Variants in ABCA12 observed in about 807,000 individuals in gnomAD.
The protein encoded by ABCA12 is glucosylceramide transporter ABCA12.
A neutral mutation model predicts 293.5 loss-of-function variants in ABCA12; 156 were observed. The observed-to-expected ratio is 0.53, with a 90% CI of 0.47 to 0.61. The LOEUF (loss-of-function observed/expected upper bound fraction) is 0.61, where lower values mean the gene tolerates loss of function less well. Ranked by LOEUF, ABCA12 falls within the 20% of genes least tolerant of loss-of-function variation. The pLI is 0.00. For synonymous variants in ABCA12, 1,063 were observed against 1,108.0 expected, an observed-to-expected ratio of 0.96 and a Z score of 0.81; for missense variants, 2,797 against 3,090.2, an observed-to-expected ratio of 0.91 and a Z score of 2.25.
intron 22 of ABCA12, 140 bp from the exon 23 acceptor site, chr2:214,997,949 C>A: frequency 1.6e-6 from 1 of 625,762 alleles, no homozygotes; most frequent in South Asian, 2.0e-5. Flanking sequence ...TCGGTATTAC[C>A]CCATTATTTA....
intron 5 of ABCA12, 100 bp downstream of exon 5, chr2:215,052,387 G>C: frequency 3.1e-6 from 3 of 983,608 alleles, no homozygotes; most frequent in Non-Finnish European, 4.8e-6. Flanking sequence ...CCCTAAATAG[G>C]AAAGGTGCTC....
At chr2:215,001,977 A>G (rs970237629) in intron 20 of ABCA12, among the ~76,000 whole-genome samples, 1 of 152,216 alleles carries the variant, frequency 6.6e-6, no homozygotes, top group Non-Finnish European at 1.5e-5. Context: ...AAGATACAAG[A>G]TAACTTAAAA....
At chr2:214,941,719 CT>C (rs1236977466) in intron 50 of ABCA12, among the ~76,000 whole-genome samples, 1 of 149,316 alleles carries the variant, frequency 6.7e-6, no homozygotes, top group Non-Finnish European at 1.5e-5. Context: ...TTCTTTGTCT[CT>C]TTTGATCTTT....
intron 16 of ABCA12, 26 bp downstream of exon 16, chr2:215,011,945 A>C (rs766386281): frequency 8.7e-6 from 14 of 1,613,098 alleles, no homozygotes; most frequent in African/African-American, 1.3e-5. Context: ...TTTTTCAACA[A>C]GAACATTACT....
At chr2:215,015,393 G>T (rs769795830) in intron 15 of ABCA12, 97 bp downstream of exon 15, 18 of 1,205,466 alleles carry the variant, frequency 1.5e-5, no homozygotes, top group African/African-American at 4.6e-5. Context: ...CCGAATAAAT[G>T]GATCTCATCC....
At position 215,090,324 on chromosome 2, in the gene ABCA12, G is replaced by A. The variant is rs138952825; in HGVS notation, c.163+21273C>T. 1.0e-3 allele frequency among the ~76,000 whole-genome samples: 152 copies of A among 152,170 alleles called. 1 individual carries two copies. In the East Asian group the frequency reaches 0.026, roughly 26 times the overall value. ...GTGTGACATTTGGTGCTGAAGACCC[G>A]GGACAGGAGGACTCCTTTGGGAGAC... is the stretch of plus-strand genomic sequence containing the variant. On this transcript the variant is annotated intron_variant, in intron 2 of 52. Coordinates refer to ENST00000272895, the MANE Select transcript of ABCA12 (RefSeq NM_173076.3).
chr2:215,058,885 A>G (rs1021778522), intron 3 of ABCA12, among the ~76,000 whole-genome samples: 1 of 152,076 alleles, frequency 6.6e-6, no homozygotes, highest in Admixed American at 6.6e-5. Context: ...GTTCTCAGAC[A>G]TGTCTACCAA....
At chr2:215,109,724 G>C (rs1702532280) in intron 2 of ABCA12, among the ~76,000 whole-genome samples, 3 of 152,092 alleles carry the variant, frequency 2.0e-5, no homozygotes, top group Admixed American at 6.5e-5. Context: ...GCTTTCCACA[G>C]TTTTTTCCAT....
chr2:215,116,840 A>C (rs567488728), intron 1 of ABCA12, among the ~76,000 whole-genome samples: 1 of 152,324 alleles, frequency 6.6e-6, no homozygotes, highest in Admixed American at 6.5e-5. Flanking sequence ...TTTACAAGAC[A>C]ATTGGTCATG....
intron 2 of ABCA12, among the ~76,000 whole-genome samples, chr2:215,093,589 C>T (rs528701659): frequency 1.1e-4 from 16 of 152,254 alleles, no homozygotes; most frequent in Non-Finnish European, 1.8e-4. Context: ...TTGTTTCAGG[C>T]TGGACCTCAT....
At chr2:214,936,439 T>C (rs972215365) in intron 51 of ABCA12, among the ~76,000 whole-genome samples, 5 of 152,194 alleles carry the variant, frequency 3.3e-5, no homozygotes, top group African/African-American at 9.6e-5. Flanking sequence ...ATGGGCACAA[T>C]TGGACCTCAG....
In ABCA12 at chr2:214,932,634, T is replaced by C; in HGVS notation, c.7788A>G (p.Ter2596=). Residue 2596 remains the stop codon, a stop_retained_variant, in exon 53 of 53, where the codon TAA becomes TAG. Transcript: ENST00000272895. ...VDSQDDQMES[*] is the part of the protein sequence containing the mutation. ...GCTGAGATTGAGTTTGCTGGAAGTG[T>C]TAAGACTCCATCTGGTCATCTTGTG... is the stretch of plus-strand genomic sequence containing the variant. 5 of 1,610,712 alleles carry C rather than the reference T, an allele frequency of 3.1e-6. No homozygotes were observed. The highest frequency in any genetic ancestry group is 4.2e-6 in the Non-Finnish European group (5 of 1,177,170).
intron 4 of ABCA12, among the ~76,000 whole-genome samples, chr2:215,054,029 TGA>T (rs1701371033): frequency 6.6e-6 from 1 of 152,036 alleles, no homozygotes; most frequent in African/African-American, 2.4e-5. Flanking sequence ...GGCCTAGATG[TGA>T]AGCAAGTCCA....
At chr2:214,952,221 T>TG (rs1553520157) in intron 44 of ABCA12, among the ~76,000 whole-genome samples, 4 of 81,522 alleles carry the variant, frequency 4.9e-5, no homozygotes, top group Admixed American at 2.2e-4. Flanking sequence ...TTTTTTTTGT[T>TG]GTTTTTTTTT....
Position 215,011,815 on chromosome 2 carries a change from T to A in ABCA12, c.2121+156A>T, listed in dbSNP as rs1437377589. On this transcript the variant is annotated intron_variant, in intron 16 of 52. Transcript: ENST00000272895. ...AATGAAGAACAATAAACTTCACTAA[T>A]TAAAGTGGCAAAAAGTGTTGCTAGG... Among the ~76,000 whole-genome samples, 3 of 151,960 alleles carry A rather than the reference T, an allele frequency of 2.0e-5. No individual in the cohort carries two copies. The East Asian group carries it at 5.8e-4, about 29-fold the overall frequency.
intron 8 of ABCA12, among the ~76,000 whole-genome samples, chr2:215,032,786 G>A (rs1261190910): frequency 6.6e-6 from 1 of 152,064 alleles, no homozygotes; most frequent in Non-Finnish European, 1.5e-5. Context: ...TCTCAATGCT[G>A]TCATTTTTAA....
chr2:215,062,550 T>C (rs1315226085), intron 3 of ABCA12, among the ~76,000 whole-genome samples: 2 of 152,206 alleles, frequency 1.3e-5, no homozygotes, highest in Admixed American at 1.3e-4. Context: ...CTGCATGCTC[T>C]GGTCTCTGAG....
intron 7 of ABCA12, among the ~76,000 whole-genome samples, chr2:215,041,796 C>T (rs1559162534): frequency 6.6e-6 from 1 of 152,000 alleles, no homozygotes; most frequent in African/African-American, 2.4e-5. Context: ...AATAAGAAAA[C>T]GTGCTATATA....
At chr2:214,979,297 T>G (rs2105962626) in intron 31 of ABCA12, among the ~76,000 whole-genome samples, 1 of 152,230 alleles carries the variant, frequency 6.6e-6, no homozygotes, top group Non-Finnish European at 1.5e-5. Context: ...TCTTTTCTGT[T>G]GCTAGAGGGC....
Sources: gnomAD v4.1 joint callset for allele counts (sites outside exome capture counted in the v4.1 genomes callset) on GRCh38, gnomAD v4.1.1 for gene constraint, MANE v1.5 for transcripts, NCBI Gene and HGNC (gene_info 2026-07-23, HGNC 2026-07-21) for gene names.